Variants in CECR2 observed in about 807,000 individuals in gnomAD.
CECR2 encodes CECR2 histone acetyl-lysine reader.
Under a neutral mutation model 154.5 loss-of-function variants are expected in CECR2, and 30 were observed. The observed-to-expected ratio is 0.19, with a 90% confidence interval of 0.15 to 0.26. The LOEUF (loss-of-function observed/expected upper bound fraction) is 0.26, where lower values mean the gene tolerates loss of function less well. Ranked by LOEUF, CECR2 falls within the 10% of genes least tolerant of loss-of-function variation. The pLI is 1.00. For missense variants in CECR2, 1,743 were observed against 1,829.3 expected, an observed-to-expected ratio of 0.95 and a Z score of 0.86; for synonymous variants, 725 against 683.7, an observed-to-expected ratio of 1.06 and a Z score of -0.94.
chr22:17,484,504 C>G (rs1434950662), intron 2 of CECR2, among the ~76,000 whole-genome samples: 1 of 152,064 alleles, frequency 6.6e-6, no homozygotes, highest in Non-Finnish European at 1.5e-5. Flanking sequence ...CCAGGAAAGA[C>G]TGTTTTTCTG....
At chr22:17,478,796 C>T (rs1035075366) in intron 2 of CECR2, among the ~76,000 whole-genome samples, 3 of 152,292 alleles carry the variant, frequency 2.0e-5, no homozygotes, top group South Asian at 4.1e-4. Flanking sequence ...TCTGCATTCT[C>T]TAGGGGAGAG....
At chr22:17,545,326 G>A (rs549775456) in intron 16 of CECR2, among the ~76,000 whole-genome samples, 22 of 119,346 alleles carry the variant, frequency 1.8e-4, no homozygotes, top group African/African-American at 6.3e-4. Flanking sequence ...AGTGAGCCGA[G>A]ATCACGCCAC....
At chr22:17,393,248 T>G (rs1178850905) in intron 1 of CECR2, among the ~76,000 whole-genome samples, 1 of 152,190 alleles carries the variant, frequency 6.6e-6, no homozygotes, top group Non-Finnish European at 1.5e-5. Context: ...TTTTGGGCCT[T>G]CATAATGAGT....
At chr22:17,440,949 G>T (rs916216996) in intron 1 of CECR2, among the ~76,000 whole-genome samples, 8 of 150,464 alleles carry the variant, frequency 5.3e-5, no homozygotes, top group African/African-American at 1.2e-4. Context: ...CACTGTTTTT[G>T]GGGGGGAGGG....
At chr22:17,526,338 G>T (rs1222464962) in intron 9 of CECR2, among the ~76,000 whole-genome samples, 2 of 152,072 alleles carry the variant, frequency 1.3e-5, no homozygotes, top group African/African-American at 4.8e-5. Context: ...AGAGAATCCA[G>T]AAACAAGTCC....
chr22:17,505,041 C>T (rs921578819), intron 7 of CECR2, 25 bp downstream of exon 7: 2 of 1,608,446 alleles, frequency 1.2e-6, no homozygotes, highest in Non-Finnish European at 1.7e-6. Flanking sequence ...CTGCTCTGTC[C>T]TCCTCAGTGT....
At chr22:17,472,955 T>G (rs552154892) in intron 1 of CECR2, among the ~76,000 whole-genome samples, 1 of 152,250 alleles carries the variant, frequency 6.6e-6, no homozygotes, top group East Asian at 1.9e-4. Flanking sequence ...AAGGCCCTGT[T>G]TCTTCTGCTT....
chr22:17,415,490 C>T (rs1242768906), intron 1 of CECR2, among the ~76,000 whole-genome samples: 2 of 152,310 alleles, frequency 1.3e-5, no homozygotes, highest in East Asian at 1.9e-4. Flanking sequence ...GATCTTCCTG[C>T]CTTGGCCTCC....
At chr22:17,525,226 G>A (rs150284484) in intron 9 of CECR2, among the ~76,000 whole-genome samples, 8,111 of 136,278 alleles carry the variant, frequency 0.06, 560 homozygotes, top group African/African-American at 0.17. Flanking sequence ...TGGAGGTTGC[G>A]GTGAGCCAAG....
chr22:17,364,868 TAAG>T (rs546040782), upstream of CECR2, among the ~76,000 whole-genome samples: 932 of 150,996 alleles, frequency 6.2e-3, 8 homozygotes, highest in African/African-American at 0.02. Context: ...AAACAAAAAA[TAAG>T]AAGAAGAAGA....
chr22:17,509,948 C>T (rs968615176), intron 7 of CECR2, among the ~76,000 whole-genome samples: 5 of 152,088 alleles, frequency 3.3e-5, no homozygotes, highest in Non-Finnish European at 5.9e-5. Flanking sequence ...GTAAGTCCTG[C>T]TGTGATGGCC....
intron 9 of CECR2, among the ~76,000 whole-genome samples, chr22:17,527,038 C>G (rs1361084546): frequency 6.6e-6 from 1 of 151,930 alleles, no homozygotes; most frequent in Admixed American, 6.6e-5. Context: ...TGCAAACTGC[C>G]CAGTTGACAA....
chr22:17,378,197 A>C (rs2063141781), intron 1 of CECR2, among the ~76,000 whole-genome samples: 1 of 150,474 alleles, frequency 6.6e-6, no homozygotes, highest in African/African-American at 2.5e-5. Flanking sequence ...GTTAGCCAGG[A>C]TGGTCTGGAT....
intron 1 of CECR2, among the ~76,000 whole-genome samples, chr22:17,469,432 G>A (rs897895443): frequency 3.3e-5 from 5 of 152,144 alleles, no homozygotes; most frequent in East Asian, 1.9e-4. Flanking sequence ...TAGTTTCGAC[G>A]GGGTCATTTC....
intron 1 of CECR2, among the ~76,000 whole-genome samples, chr22:17,441,610 G>A (rs1325535083): frequency 6.3e-5 from 8 of 127,082 alleles, no homozygotes; most frequent in African/African-American, 2.7e-4. Context: ...CCCACCCCCC[G>A]TTACTTGAAT....
intron 17 of CECR2, among the ~76,000 whole-genome samples, chr22:17,551,193 G>T (rs184334570): frequency 6.6e-6 from 1 of 152,292 alleles, no homozygotes; most frequent in Admixed American, 6.5e-5. Flanking sequence ...CATCTCCTAA[G>T]AATGGACATG....
chr22:17,422,118 T>A (rs1177181819), intron 1 of CECR2, among the ~76,000 whole-genome samples: 1 of 152,108 alleles, frequency 6.6e-6, no homozygotes, highest in African/African-American at 2.4e-5. Flanking sequence ...CCCTCTGGCC[T>A]CTTGCAGGAT....
chr22:17,414,109 A>C (rs576480801), intron 1 of CECR2, among the ~76,000 whole-genome samples: 1 of 151,876 alleles, frequency 6.6e-6, no homozygotes, highest in South Asian at 2.1e-4. Flanking sequence ...AGTAGCTGGG[A>C]CTACAGGTGC....
At position 17,552,891 on chromosome 22, in the gene CECR2, G is replaced by A; in HGVS notation, c.*51G>A. 6.5e-7 allele frequency: 1 copy of A among 1,546,394 alleles called. No homozygotes were observed. The highest frequency in any genetic ancestry group is 8.7e-7 in the Non-Finnish European group (1 of 1,144,732). On this transcript the variant is annotated 3_prime_UTR_variant, in exon 19 of 19. Transcript: ENST00000262608. ...AATGGAAAGCTGCACACGAAGACTG[G>A]AATGTGGAGAACTGGGGAGTGCCCT...
Sources: gnomAD v4.1 joint callset for allele counts (sites outside exome capture counted in the v4.1 genomes callset) on GRCh38, gnomAD v4.1.1 for gene constraint, MANE v1.5 for transcripts, NCBI Gene and HGNC (gene_info 2026-07-23, HGNC 2026-07-21) for gene names.